Variants in TMEM192 observed in about 807,000 individuals in gnomAD.
The protein encoded by TMEM192 is transmembrane protein 192.
A neutral mutation model predicts 26.7 loss-of-function variants in TMEM192; 20 were observed. The observed-to-expected ratio is 0.75, with a 90% confidence interval of 0.53 to 1.09. The LOEUF is 1.09. Among genes scored for constraint, TMEM192 ranks in the 50% least tolerant of loss-of-function variants. The pLI is 0.00. For synonymous variants in TMEM192, 124 were observed against 121.0 expected (o/e 1.02, Z -0.16); for missense variants, 304 against 322.6 (o/e 0.94, Z 0.44).
chr4:165,100,932 T>G, intron 2 of TMEM192, 40 bp from the exon 3 acceptor site: 1 of 1,540,520 alleles, frequency 6.5e-7, no homozygotes, highest in Non-Finnish European at 8.7e-7. Flanking sequence ...ATTCAATATT[T>G]GTAATTAGGA....
chr4:165,105,010 C>T (rs1313286848), intron 1 of TMEM192, among the ~76,000 whole-genome samples: 1 of 152,148 alleles, frequency 6.6e-6, no homozygotes, highest in African/African-American at 2.4e-5. Flanking sequence ...CTTTCATGCT[C>T]AGAAGGGGCA....
chr4:165,093,091 TTTC>T (rs1414066747), intron 3 of TMEM192, among the ~76,000 whole-genome samples: 6 of 121,758 alleles, frequency 4.9e-5, no homozygotes, highest in Admixed American at 2.3e-4. Flanking sequence ...ATGGTTTTTT[TTTC>T]TTCTTTTTTT....
intron 1 of TMEM192, among the ~76,000 whole-genome samples, chr4:165,110,389 A>T (rs1578916792): frequency 6.6e-6 from 1 of 152,206 alleles, no homozygotes; most frequent in South Asian, 2.1e-4. Context: ...AACAAAAAAC[A>T]GTTGGGTGAA....
At position 165,078,559 on chromosome 4, in the gene TMEM192, C is replaced by T. The variant is rs1031903158; in HGVS notation, c.*1099G>A. 3 of 152,010 alleles carry T rather than the reference C, an allele frequency of 2.0e-5. No homozygotes were observed. Among genetic ancestry groups the T allele is most frequent in the African/African-American group, 4.8e-5 (2 of 41,344 alleles). The allele number at this position is 152,010 out of a possible 1,614,324, so 9.4% of individuals were successfully genotyped here. A position where few individuals can be genotyped will look rare whatever the true frequency, so the allele number is the denominator to read the frequency against. Reference sequence around the variant, plus strand: ...AGTAATTTAAAATTATAGAAGATGCCTTTCCTATAATTGAAGTTATTGATC... The same window carrying T: ...AGTAATTTAAAATTATAGAAGATGCTTTTCCTATAATTGAAGTTATTGATC... On this transcript the variant is annotated 3_prime_UTR_variant, in exon 6 of 6. Transcript: ENST00000306480.
rs1171956318 is a variant in TMEM192 at position 165,076,758 on chromosome 4, T to C, written c.*2900A>G. The C allele has an allele frequency of 2.0e-5, 3 of 152,232 alleles. No individual in the cohort carries two copies. Among genetic ancestry groups the C allele is most frequent in the African/African-American group, 7.2e-5 (3 of 41,464 alleles). 9.4% of individuals were successfully genotyped at this position (152,232 alleles called of 1,614,324 possible). A position where few individuals can be genotyped will look rare whatever the true frequency, so the allele number is the denominator to read the frequency against. On this transcript the variant is annotated 3_prime_UTR_variant, in exon 6 of 6. Transcript: ENST00000306480. Reference sequence around the variant, plus strand: ...CTAGCACAATTACCAGCCTGGTGAATAGAATGTTTAACATTTAAATTGTTT... The same window carrying C: ...CTAGCACAATTACCAGCCTGGTGAACAGAATGTTTAACATTTAAATTGTTT...
chr4:165,081,388 A>AT (rs1194167956), intron 5 of TMEM192, among the ~76,000 whole-genome samples: 1,483 of 139,812 alleles, frequency 0.011, 16 homozygotes, highest in African/African-American at 0.03. Flanking sequence ...CCGAGTCTCT[A>AT]TTTTTTTTTT....
intron 4 of TMEM192, among the ~76,000 whole-genome samples, chr4:165,086,411 A>C (rs1286107325): frequency 7.9e-6 from 1 of 127,072 alleles, no homozygotes; most frequent in Non-Finnish European, 1.6e-5. Flanking sequence ...CATGCAAGGC[A>C]TTTACACTTT....
At chr4:165,096,693 C>A (rs1255949743) in intron 3 of TMEM192, among the ~76,000 whole-genome samples, 1 of 150,810 alleles carries the variant, frequency 6.6e-6, no homozygotes, top group Admixed American at 6.6e-5. Flanking sequence ...AGTACCTGCT[C>A]CATTCCGTTT....
rs1257530330 is a variant in TMEM192, at chr4:165,081,956, G to C, written c.678-2160C>G. 9.5e-5 allele frequency among the ~76,000 whole-genome samples: 3 copies of C among 31,568 alleles called. 1 individual carries two copies. The highest frequency in any genetic ancestry group is 1.7e-4 in the African/African-American group (3 of 17,452). 20.7% of individuals were successfully genotyped at this position (31,568 alleles called of 152,430 possible). ...TGGGATTACAGGCGTGAGCCACCAT[G>C]ACTGACCATCTTCTTTTTTTTTTTT... On this transcript the variant is annotated intron_variant, in intron 5 of 5. Transcript: ENST00000306480.
rs770178031 is a variant in TMEM192, at chr4:165,112,807, C to T, written c.-34G>A. ...GCCGGAGGCCGAAGCCCTGGCCAGC[C>T]CGGCCTCTCCACCTGGACCTGTAAG... On this transcript the variant is annotated 5_prime_UTR_variant, in exon 1 of 6. Transcript: ENST00000306480. The T allele has an allele frequency of 1.9e-5, 30 of 1,601,806 alleles. 1 individual carries two copies. In the South Asian group the frequency reaches 3.2e-4, roughly 17 times the overall value.
chr4:165,075,241 CTTTCTTTT>C lies in TMEM192; in HGVS notation c.*4409_*4416del, dbSNP rs1424367527. ...CTAGAAATACAATTTTTTTTCTTTT[CTTTCTTTT>C]TTTTTTTTTGTGATGGAGTCTCGCT... On this transcript the variant is annotated 3_prime_UTR_variant, in exon 6 of 6. Transcript: ENST00000306480. 4.4e-5 allele frequency: 6 copies of C among 135,718 alleles called. No individual in the cohort carries two copies. The East Asian group carries it at 1.3e-3, about 29-fold the overall frequency. The allele number at this position is 135,718 out of a possible 1,614,324, so 8.4% of individuals were successfully genotyped here. A position where few individuals can be genotyped will look rare whatever the true frequency, so the allele number is the denominator to read the frequency against.
intron 4 of TMEM192, among the ~76,000 whole-genome samples, chr4:165,086,684 CA>C (rs755760561): frequency 1.3e-5 from 2 of 152,046 alleles, no homozygotes; most frequent in Non-Finnish European, 2.9e-5. Context: ...TGAGGCCTCC[CA>C]AAGTGCTGGG....
intron 3 of TMEM192, among the ~76,000 whole-genome samples, chr4:165,098,147 A>T (rs1321072132): frequency 6.7e-6 from 1 of 149,502 alleles, no homozygotes; most frequent in Non-Finnish European, 1.5e-5. Context: ...TTTTTTAGAC[A>T]GAGTTTCGCT....
intron 4 of TMEM192, among the ~76,000 whole-genome samples, chr4:165,086,367 T>C (rs1160468942): frequency 2.0e-5 from 3 of 150,984 alleles, no homozygotes; most frequent in Admixed American, 6.6e-5. Flanking sequence ...GTTGGGAAGA[T>C]AGGCAGAGAA....
rs1437902092 is a variant in TMEM192 at position 165,076,432 on chromosome 4, C to G, written c.*3226G>C. 1 of 152,274 alleles carries G rather than the reference C, an allele frequency of 6.6e-6. No homozygotes were observed. Among genetic ancestry groups the G allele is most frequent in the Non-Finnish European group, 1.5e-5 (1 of 68,064 alleles). The allele number at this position is 152,274 out of a possible 1,614,324, so 9.4% of individuals were successfully genotyped here. On this transcript the variant is annotated 3_prime_UTR_variant, in exon 6 of 6. Transcript: ENST00000306480. ...AGTCTTCCAGCATAGTATCAAGGCC[C>G]TCCAAGCTCTGACCCTGTCTACCTC...
chr4:165,088,864 C>A (rs1487573911), intron 3 of TMEM192, among the ~76,000 whole-genome samples: 1 of 151,354 alleles, frequency 6.6e-6, no homozygotes, highest in African/African-American at 2.4e-5. Flanking sequence ...CATAGCAAGA[C>A]CCCATCTCTA....
chr4:165,079,873 T>C (rs1290422001), intron 5 of TMEM192, 77 bp from the exon 6 acceptor site: 3 of 1,398,170 alleles, frequency 2.1e-6, no homozygotes, highest in East Asian at 2.6e-5. Flanking sequence ...GAGTACCTAC[T>C]AGTTTTTAGT....
rs17045971 is a variant in TMEM192 at position 165,109,816 on chromosome 4, T to C, written c.27+2931A>G. On this transcript the variant is annotated intron_variant, in intron 1 of 5. Transcript: ENST00000306480. The stretch of plus-strand genomic sequence containing the variant: ...CTACAAATATCCTCCCTTACCTTTT[T>C]CAGAATTCTATGCATCTTTCAAGGT... 9.3e-3 allele frequency among the ~76,000 whole-genome samples: 1,412 copies of C among 152,360 alleles called. 19 individuals are homozygous for C. Among genetic ancestry groups the C allele is most frequent in the African/African-American group, 0.03 (1,252 of 41,578 alleles).
chr4:165,086,549 C>G (rs1187046126), intron 4 of TMEM192, among the ~76,000 whole-genome samples: 1 of 151,850 alleles, frequency 6.6e-6, no homozygotes, highest in Non-Finnish European at 1.5e-5. Context: ...CCTCAGCCTC[C>G]CGACTGGGAT....
Sources: gnomAD v4.1 joint callset for allele counts (sites outside exome capture counted in the v4.1 genomes callset) on GRCh38, gnomAD v4.1.1 for gene constraint, MANE v1.5 for transcripts, NCBI Gene and HGNC (gene_info 2026-07-23, HGNC 2026-07-21) for gene names.